The following GBF1 variants were observed in gnomAD, a reference collection of about 807,000 sequenced individuals.
GBF1 encodes Golgi-specific brefeldin A-resistance guanine nucleotide exchange factor 1.
A neutral mutation model predicts 210.5 loss-of-function variants in GBF1; 114 were observed. The ratio of observed to expected loss-of-function variants is 0.54; its 90% CI spans 0.47 to 0.63. The LOEUF (loss-of-function observed/expected upper bound fraction) is 0.63. GBF1 is among the 30% of genes least tolerant of loss of function. The pLI is 0.00. For missense variants in GBF1, 1,851 were observed against 2,357.7 expected, an observed-to-expected ratio of 0.79 and a Z score of 4.45; for synonymous variants, 850 against 889.2, an observed-to-expected ratio of 0.96 and a Z score of 0.78.
rs146826888 is a variant in GBF1 at position 102,359,296 on chromosome 10, G to T, written c.1041G>T (p.Gln347His). The change falls in exon 11 of 40, where the codon CAG becomes CAT. Residue 347 changes from glutamine (Q) to histidine (H), a missense_variant. By Grantham distance (24) the Gln-to-His change is conservative. Coordinates refer to ENST00000369983, the MANE Select transcript of GBF1 (RefSeq NM_001377137.1). ...QQEGTHVEKS[Q>H]SASVESIPEV... ...AAGGGACCCATGTGGAAAAGTCCCA[G>T]TCAGCATCTGTGGAGTCCATCCCTG... 1 of 1,612,918 alleles carries T rather than the reference G, an allele frequency of 6.2e-7. No individual in the cohort carries two copies.
chr10:102,379,588 A>G lies in GBF1; in HGVS notation c.4713A>G (p.Arg1571=). 1.9e-6 allele frequency: 3 copies of G among 1,614,168 alleles called. No homozygotes were observed. Among genetic ancestry groups the G allele is most frequent in the Non-Finnish European group, 2.5e-6 (3 of 1,180,020 alleles). The change falls in exon 35 of 40, where the codon CGA becomes CGG. Residue 1571 remains arginine (R), a synonymous_variant. Transcript: ENST00000369983. Reference sequence around the variant, plus strand: ...TGCAGGCACTGACCTATCTGCAGCGAGCACTACTTGTACATGATCTGCAAA... The same window carrying G: ...TGCAGGCACTGACCTATCTGCAGCGGGCACTACTTGTACATGATCTGCAAA... The part of the protein sequence containing the change: ...VRMQALTYLQ[R]ALLVHDLQKL...
chr10:102,251,393 C>T (rs2071511186), intron 1 of GBF1, among the ~76,000 whole-genome samples: 1 of 152,024 alleles, frequency 6.6e-6, no homozygotes, highest in East Asian at 1.9e-4. Context: ...TTCATTTGTT[C>T]ATCTAGTATT....
Position 102,363,667 on chromosome 10 carries a change from A to G in GBF1, c.2018-43A>G. 7.8e-7 allele frequency: 1 copy of G among 1,282,382 alleles called. No individual in the cohort carries two copies. Among genetic ancestry groups the G allele is most frequent in the Non-Finnish European group, 1.1e-6 (1 of 878,526 alleles). 79.4% of individuals were successfully genotyped at this position (1,282,382 alleles called of 1,614,324 possible). ...TCCAAAAGTCCTTATCTGGGTAAAA[A>G]AAGGTGTTACAGATATTTCCCCCCT... On this transcript the variant is annotated intron_variant, in intron 16 of 39. Coordinates refer to ENST00000369983, the MANE Select transcript of GBF1 (RefSeq NM_001377137.1). This position sits in a 1 kb window ranked among gnomAD's most constrained non-coding sequence, Gnocchi z 4.2.
chr10:102,282,764 G>A lies in GBF1; in HGVS notation c.163+22648G>A, dbSNP rs371221776. On this transcript the variant is annotated intron_variant, in intron 3 of 39. Transcript: ENST00000369983. Reference sequence around the variant, plus strand: ...AACCCAACTAGCCTATTTCCAGCACGTGTGGTGTTAACTATCTGGGAATAG... The same window carrying A: ...AACCCAACTAGCCTATTTCCAGCACATGTGGTGTTAACTATCTGGGAATAG... Among the ~76,000 whole-genome samples, 115 of 152,316 alleles carry A rather than the reference G, an allele frequency of 7.6e-4. 3 individuals are homozygous for A. In the Middle Eastern group the frequency reaches 0.027, roughly 36 times the overall value.
At chr10:102,314,451 G>C (rs922820267) in intron 3 of GBF1, among the ~76,000 whole-genome samples, 6 of 152,056 alleles carry the variant, frequency 3.9e-5, no homozygotes, top group Admixed American at 3.9e-4. Context: ...CCAGCAACCT[G>C]TCAATTATTT....
At chr10:102,256,610 C>G (rs2072425095) in intron 1 of GBF1, among the ~76,000 whole-genome samples, 1 of 150,948 alleles carries the variant, frequency 6.6e-6, no homozygotes, top group African/African-American at 2.4e-5. Context: ...ACCTCTGCCT[C>G]CCAGGTTCCA....
chr10:102,297,924 T>C (rs559299641), intron 3 of GBF1, among the ~76,000 whole-genome samples: 4 of 152,206 alleles, frequency 2.6e-5, no homozygotes, highest in African/African-American at 9.6e-5. Context: ...CTAGTAGTTT[T>C]GTTTTTGGTT....
Position 102,379,904 on chromosome 10 carries a change from G to A in GBF1, c.4828G>A (p.Val1610Met). 1 of 1,613,942 alleles carries A rather than the reference G, an allele frequency of 6.2e-7. No individual in the cohort carries two copies. Among genetic ancestry groups the A allele is most frequent in the Non-Finnish European group, 8.5e-7 (1 of 1,179,844 alleles). ...KLLENISPAD[V>M]GGMEETRMRA... Reference sequence around the variant, plus strand: ...CTTGGAGAACATCAGCCCTGCAGATGTGGGTGGGATGGAGGAGACCCGGAT... The same window carrying A: ...CTTGGAGAACATCAGCCCTGCAGATATGGGTGGGATGGAGGAGACCCGGAT... Residue 1610 changes from valine to methionine, a missense_variant, in exon 36 of 40, where the codon GTG becomes ATG. By Grantham distance (21) the Val-to-Met change is conservative. This residue lies in a region of GBF1 where 967 missense variants were observed against 1,247.7 expected (regional missense o/e 0.78). Transcript: ENST00000369983.
intron 3 of GBF1, among the ~76,000 whole-genome samples, chr10:102,301,991 A>T (rs2077416306): frequency 6.6e-6 from 1 of 152,212 alleles, no homozygotes; most frequent in Non-Finnish European, 1.5e-5. Flanking sequence ...CATTGAGTGA[A>T]CGAGACTCCC....
intron 3 of GBF1, among the ~76,000 whole-genome samples, chr10:102,336,299 C>CAAAA (rs566414701): frequency 1.0e-4 from 5 of 48,898 alleles, no homozygotes; most frequent in African/African-American, 1.4e-4. Context: ...GACTTTGTCT[C>CAAAA]AAAAAAAAAA....
intron 39 of GBF1, 127 bp from the exon 40 acceptor site, chr10:102,381,929 G>C (rs974584550): frequency 1.6e-5 from 11 of 675,384 alleles, no homozygotes; most frequent in Non-Finnish European, 2.3e-5. Flanking sequence ...TTTTAGGCTG[G>C]TGGGGGGCCG....
At chr10:102,265,856 T>G (rs1450913667) in intron 3 of GBF1, among the ~76,000 whole-genome samples, 4 of 152,114 alleles carry the variant, frequency 2.6e-5, no homozygotes, top group Non-Finnish European at 5.9e-5. Flanking sequence ...GTGAGGAGTT[T>G]GCCTTTGGAG....
At chr10:102,279,118 T>G (rs1302507901) in intron 3 of GBF1, among the ~76,000 whole-genome samples, 2 of 152,238 alleles carry the variant, frequency 1.3e-5, no homozygotes, top group African/African-American at 4.8e-5. Flanking sequence ...CTAGCTTGCT[T>G]CTGTTTGTTT....
chr10:102,232,079 A>G, the GBF1 span: 1 of 1,589,132 alleles, frequency 6.3e-7, no homozygotes, highest in Admixed American at 1.7e-5. Flanking sequence ...GCCGAACTCC[A>G]TGGAGGGAGG....
At chr10:102,260,026 T>C (rs754216437) in intron 2 of GBF1, 24 bp from the exon 3 acceptor site, 2 of 1,394,100 alleles carry the variant, frequency 1.4e-6, no homozygotes, top group Non-Finnish European at 2.0e-6. Flanking sequence ...AATAATGACT[T>C]ACTTTAATCT....
intron 3 of GBF1, among the ~76,000 whole-genome samples, chr10:102,288,103 T>C (rs1016176216): frequency 5.3e-5 from 8 of 152,204 alleles, no homozygotes; most frequent in African/African-American, 1.9e-4. Flanking sequence ...TCCGTTTTTC[T>C]AAAGCAAGCC....
intron 3 of GBF1, among the ~76,000 whole-genome samples, chr10:102,329,758 C>T (rs541299734): frequency 2.1e-4 from 31 of 151,034 alleles, no homozygotes; most frequent in African/African-American, 6.3e-4. Flanking sequence ...CCACCAAGCC[C>T]GGCCAAGTTT....
At chr10:102,246,334 C>T (rs2070823944) in intron 1 of GBF1, among the ~76,000 whole-genome samples, 1 of 152,204 alleles carries the variant, frequency 6.6e-6, no homozygotes, top group Non-Finnish European at 1.5e-5. Flanking sequence ...GGGAACTGGG[C>T]TATGAGAAGG....
intron 30 of GBF1, 37 bp downstream of exon 30, chr10:102,375,621 A>T: frequency 7.6e-7 from 1 of 1,322,604 alleles, no homozygotes; most frequent in South Asian, 1.2e-5. Flanking sequence ...GCTGGCAGAT[A>T]AACAGTTACA....
Sources: gnomAD v4.1 joint callset for allele counts (sites outside exome capture counted in the v4.1 genomes callset) on GRCh38, gnomAD v4.1.1 for gene constraint, gnomAD v4.1.1 regional missense constraint, Gnocchi (gnomAD v3.1) non-coding constraint, MANE v1.5 for transcripts, NCBI Gene and HGNC (gene_info 2026-07-23, HGNC 2026-07-21) for gene names.